The following EYA1 variants were observed in gnomAD, a reference collection of about 807,000 sequenced individuals.
EYA1 encodes the protein protein phosphatase EYA1.
A neutral mutation model predicts 82.0 loss-of-function variants in EYA1; 16 were observed. That is an observed-to-expected ratio of 0.20 (90% CI 0.13 to 0.30). The LOEUF (loss-of-function observed/expected upper bound fraction) is 0.30. EYA1 is among the 10% of genes least tolerant of loss of function. The pLI is 1.00. For missense variants in EYA1, 633 were observed against 730.7 expected (o/e 0.87, Z 1.54); for synonymous variants, 261 against 264.4 (o/e 0.99, Z 0.12).
chr8:71,237,550 C>A (rs575929286), intron 12 of EYA1, among the ~76,000 whole-genome samples: 1 of 152,122 alleles, frequency 6.6e-6, no homozygotes, highest in Admixed American at 6.5e-5. Context: ...TAAGCATATG[C>A]TTTACAGAAT....
intron 2 of EYA1, among the ~76,000 whole-genome samples, chr8:71,511,027 A>C (rs1241402044): frequency 6.6e-6 from 1 of 151,772 alleles, no homozygotes. Flanking sequence ...CATTCTAACT[A>C]CTCTGACCCC....
chr8:71,362,123 T>C (rs2129079995), upstream of EYA1: 1 of 983,304 alleles, frequency 1.0e-6, no homozygotes, highest in Non-Finnish European at 1.2e-6. Flanking sequence ...TTGCGCAGCC[T>C]TGTAGGTCTG....
chr8:71,375,307 G>A (rs1161584004), intron 2 of EYA1, among the ~76,000 whole-genome samples: 1 of 151,766 alleles, frequency 6.6e-6, no homozygotes, highest in Non-Finnish European at 1.5e-5. Flanking sequence ...CCTCATGCTA[G>A]AAGAGCTTAC....
chr8:71,288,028 A>G (rs1175587345), intron 9 of EYA1, among the ~76,000 whole-genome samples: 1 of 152,082 alleles, frequency 6.6e-6, no homozygotes, highest in East Asian at 1.9e-4. Flanking sequence ...GGTTAGCCCA[A>G]CTCCAAATCC....
intron 7 of EYA1, among the ~76,000 whole-genome samples, chr8:71,308,625 C>T (rs1458963187): frequency 6.6e-6 from 1 of 150,836 alleles, no homozygotes; most frequent in African/African-American, 2.4e-5. Context: ...TCGATTTAAA[C>T]ATTACTTAAA....
At chr8:71,446,941 CT>C (rs1418785031) in intron 2 of EYA1, among the ~76,000 whole-genome samples, 3 of 152,102 alleles carry the variant, frequency 2.0e-5, no homozygotes, top group African/African-American at 7.2e-5. Flanking sequence ...AAAGTAGCAG[CT>C]TAGTTATCCT....
At chr8:71,360,469 C>T (rs72654186) in intron 1 of EYA1, among the ~76,000 whole-genome samples, 11,036 of 152,106 alleles carry the variant, frequency 0.073, 454 homozygotes, top group African/African-American at 0.11. Flanking sequence ...TCCATTTGGC[C>T]CTCTAAAACT....
chr8:71,340,652 T>G (rs968796995), intron 3 of EYA1, among the ~76,000 whole-genome samples: 3 of 152,144 alleles, frequency 2.0e-5, no homozygotes, highest in Admixed American at 2.0e-4. Flanking sequence ...ATGTCTGTGT[T>G]TGTGACTCCT....
intron 2 of EYA1, among the ~76,000 whole-genome samples, chr8:71,417,578 C>T (rs1322083495): frequency 6.6e-6 from 1 of 152,008 alleles, no homozygotes; most frequent in Non-Finnish European, 1.5e-5. Flanking sequence ...GAATAAAGCT[C>T]CTATTTACAT....
At chr8:71,273,066 T>C (rs995687620) in intron 9 of EYA1, among the ~76,000 whole-genome samples, 1 of 152,222 alleles carries the variant, frequency 6.6e-6, no homozygotes, top group Admixed American at 6.5e-5. Context: ...TCCAAAGCCT[T>C]GAGTCAGAGT....
intron 9 of EYA1, among the ~76,000 whole-genome samples, chr8:71,282,094 C>A (rs1296362322): frequency 6.6e-6 from 1 of 152,190 alleles, no homozygotes; most frequent in South Asian, 2.1e-4. Flanking sequence ...ACTCTCCTTG[C>A]CAGGCTCTCC....
intron 12 of EYA1, among the ~76,000 whole-genome samples, chr8:71,223,025 T>C (rs1220988612): frequency 1.3e-5 from 2 of 152,156 alleles, no homozygotes; most frequent in African/African-American, 4.8e-5. Flanking sequence ...CTTCATGTCA[T>C]CAGCAGGCCT....
chr8:71,226,693 A>T (rs73684724), intron 12 of EYA1, among the ~76,000 whole-genome samples: 8,945 of 150,244 alleles, frequency 0.06, 570 homozygotes, highest in African/African-American at 0.16. Context: ...TAATATAAGG[A>T]TAATTAAAAG....
intron 17 of EYA1, among the ~76,000 whole-genome samples, chr8:71,208,598 C>T (rs1219168592): frequency 6.6e-6 from 1 of 152,124 alleles, no homozygotes; most frequent in East Asian, 1.9e-4. Flanking sequence ...GGATTAGAAT[C>T]TACCAGGAAG....
chr8:71,334,315 T>C lies in EYA1; in HGVS notation c.125-141A>G, dbSNP rs1218024993. The C allele has an allele frequency of 5.4e-6, 4 of 747,380 alleles. No homozygotes were observed. The African/African-American group carries it at 7.0e-5, about 13-fold the overall frequency. 46.3% of individuals were successfully genotyped at this position (747,380 alleles called of 1,614,324 possible). ...CCTAACTGAACATATATCATAAGCA[T>C]AAATAGACTCCTTTTAAAAAAATTC... On this transcript the variant is annotated intron_variant, in intron 3 of 17. Coordinates refer to ENST00000340726, the MANE Select transcript of EYA1 (RefSeq NM_000503.6).
intron 2 of EYA1, among the ~76,000 whole-genome samples, chr8:71,532,693 A>G (rs1814388852): frequency 1.3e-5 from 2 of 152,316 alleles, no homozygotes; most frequent in East Asian, 3.9e-4. Flanking sequence ...TAGGGAGGCA[A>G]GTATTTCAAC....
intron 2 of EYA1, among the ~76,000 whole-genome samples, chr8:71,413,411 T>C (rs1830706172): frequency 1.3e-5 from 2 of 152,232 alleles, no homozygotes; most frequent in Admixed American, 1.3e-4. Context: ...TTTTACTTTA[T>C]ACCAATTGTT....
At chr8:71,251,859 T>A (rs1813784221) in intron 11 of EYA1, among the ~76,000 whole-genome samples, 1 of 152,064 alleles carries the variant, frequency 6.6e-6, no homozygotes, top group South Asian at 2.1e-4. Context: ...ATCACAGCTA[T>A]CACAGTAGAT....
At chr8:71,352,804 A>G (rs1043204068) in intron 3 of EYA1, among the ~76,000 whole-genome samples, 1 of 152,216 alleles carries the variant, frequency 6.6e-6, no homozygotes, top group Non-Finnish European at 1.5e-5. Context: ...ATATTCAGAA[A>G]TATATTATTA....
Sources: allele counts gnomAD v4.1 joint callset (sites outside exome capture counted in the v4.1 genomes callset), GRCh38; gene constraint gnomAD v4.1.1; transcripts MANE v1.5; gene names NCBI Gene and HGNC (gene_info 2026-07-23, HGNC 2026-07-21).